SYNPR: variants seen among roughly 807,000 people sequenced by gnomAD.
SYNPR encodes synaptoporin.
SYNPR carries 23 observed loss-of-function variants against 32.9 expected under a neutral mutation model. The observed-to-expected ratio is 0.70, with a 90% confidence interval of 0.50 to 0.99. The LOEUF is 0.99. Ranked by LOEUF, SYNPR falls within the 50% of genes least tolerant of loss-of-function variation. The pLI, the probability that SYNPR is intolerant of heterozygous loss-of-function variation, is 0.00. For missense variants in SYNPR, 318 were observed against 349.3 expected, an observed-to-expected ratio of 0.91 and a Z score of 0.71; for synonymous variants, 146 against 135.9, an observed-to-expected ratio of 1.07 and a Z score of -0.52.
At chr3:63,230,389 G>C (rs1345149196) in intron 1 of SYNPR, among the ~76,000 whole-genome samples, 1 of 152,070 alleles carries the variant, frequency 6.6e-6, no homozygotes, top group Non-Finnish European at 1.5e-5. Flanking sequence ...TTTTTTCCTA[G>C]ACATTAACCC....
At chr3:63,318,279 C>T (rs1277225289) in intron 2 of SYNPR, among the ~76,000 whole-genome samples, 1 of 151,950 alleles carries the variant, frequency 6.6e-6, no homozygotes, top group East Asian at 1.9e-4. Flanking sequence ...CTTTGTGCTT[C>T]TTGTATTTGG....
rs371885804 is a variant in SYNPR, at chr3:63,556,715, C to T, written c.382C>T (p.Arg128Trp). 3.7e-6 allele frequency: 6 copies of T among 1,613,136 alleles called. No individual in the cohort carries two copies. Among genetic ancestry groups the T allele is most frequent in the Non-Finnish European group, 5.1e-6 (6 of 1,179,628 alleles). ...TTACATTTTCTTCCAGAACAAATAC[C>T]GGGAAAACAACCGGGGCCCACTCAT... is the stretch of plus-strand genomic sequence containing the variant. Reference protein sequence around the residue: ...VVYIFFQNKYRENNRGPLIDF... With the variant: ...VVYIFFQNKYWENNRGPLIDF... The change falls in exon 4 of 6, where the codon CGG (arginine) becomes TGG (tryptophan). Residue 128 changes from arginine (R) to tryptophan (W), a missense_variant. Transcript: ENST00000478300.
chr3:63,316,710 A>G (rs1275619304), intron 2 of SYNPR, among the ~76,000 whole-genome samples: 4 of 151,192 alleles, frequency 2.6e-5, no homozygotes, highest in African/African-American at 7.3e-5. Context: ...TATCTTTTGT[A>G]TTTTTTGCTT....
chr3:63,414,253 T>A (rs2088508137), intron 2 of SYNPR, among the ~76,000 whole-genome samples: 1 of 152,168 alleles, frequency 6.6e-6, no homozygotes, highest in Admixed American at 6.5e-5. Context: ...TTGACAGTAA[T>A]TAGTTTTGTG....
At chr3:63,552,844 C>G (rs976883737) in intron 3 of SYNPR, among the ~76,000 whole-genome samples, 3 of 152,144 alleles carry the variant, frequency 2.0e-5, no homozygotes, top group Admixed American at 2.0e-4. Flanking sequence ...GAACGAATTA[C>G]TTAATCTTTC....
At chr3:63,389,319 G>A (rs971080529) in intron 2 of SYNPR, among the ~76,000 whole-genome samples, 2 of 152,186 alleles carry the variant, frequency 1.3e-5, no homozygotes, top group Non-Finnish European at 2.9e-5. Context: ...AGTGGGGAAA[G>A]AAGGAATTGT....
intron 2 of SYNPR, among the ~76,000 whole-genome samples, chr3:63,302,300 CCTT>C (rs1324744875): frequency 1.3e-5 from 2 of 152,026 alleles, no homozygotes; most frequent in Non-Finnish European, 2.9e-5. Flanking sequence ...TTCCCATTAT[CCTT>C]CAGACAGAGA....
chr3:63,540,928 C>CAA (rs60971186), intron 3 of SYNPR, among the ~76,000 whole-genome samples: 26,477 of 114,712 alleles, frequency 0.23, 2,705 homozygotes, highest in African/African-American at 0.29. Context: ...AATCCCCCCC[C>CAA]CAACACACAC....
chr3:63,391,125 T>G (rs943131975), intron 2 of SYNPR, among the ~76,000 whole-genome samples: 9 of 152,212 alleles, frequency 5.9e-5, no homozygotes, highest in African/African-American at 1.9e-4. Context: ...TAGGGATAGC[T>G]CTTCCTGGAA....
chr3:63,445,827 A>AAACG (rs1700267513), intron 2 of SYNPR, among the ~76,000 whole-genome samples: 1 of 152,214 alleles, frequency 6.6e-6, no homozygotes, highest in Admixed American at 6.5e-5. Flanking sequence ...AATCTACAAC[A>AAACG]AACGCCTAGA....
chr3:63,380,477 A>G (rs143383658), intron 2 of SYNPR, among the ~76,000 whole-genome samples: 145 of 152,274 alleles, frequency 9.5e-4, no homozygotes, highest in African/African-American at 3.4e-3. Context: ...TTGGCTGCAT[A>G]AATGTCTTCT....
chr3:63,321,154 C>T (rs546575458), intron 2 of SYNPR, among the ~76,000 whole-genome samples: 29 of 152,124 alleles, frequency 1.9e-4, no homozygotes, highest in South Asian at 1.2e-3. Flanking sequence ...GAGGACCTTA[C>T]GTACTTTTAA....
At chr3:63,235,891 T>C (rs2086197327) in intron 1 of SYNPR, among the ~76,000 whole-genome samples, 1 of 152,080 alleles carries the variant, frequency 6.6e-6, no homozygotes, top group East Asian at 1.9e-4. Flanking sequence ...AATCTATCAA[T>C]TTTTCTTTTA....
intron 3 of SYNPR, among the ~76,000 whole-genome samples, chr3:63,504,736 G>A (rs1233666149): frequency 6.6e-6 from 1 of 152,144 alleles, no homozygotes; most frequent in Non-Finnish European, 1.5e-5. Flanking sequence ...GAAAATGGGA[G>A]AGACTTCTGT....
At chr3:63,437,117 T>C (rs1700099119) in intron 2 of SYNPR, among the ~76,000 whole-genome samples, 1 of 151,716 alleles carries the variant, frequency 6.6e-6, no homozygotes, top group African/African-American at 2.4e-5. Flanking sequence ...CCTCAAGTTA[T>C]CTGCCCACCT....
chr3:63,277,049 T>TCA (rs2086581986), upstream of SYNPR, among the ~76,000 whole-genome samples: 1 of 152,136 alleles, frequency 6.6e-6, no homozygotes, highest in South Asian at 2.1e-4. Context: ...AGAGGACATA[T>TCA]CACTACTTGA....
chr3:63,446,032 A>C (rs1700271361), intron 2 of SYNPR, among the ~76,000 whole-genome samples: 2 of 152,194 alleles, frequency 1.3e-5, no homozygotes, highest in South Asian at 2.1e-4. Context: ...GAGCCCACCT[A>C]GGGTAAAATT....
the SYNPR span, among the ~76,000 whole-genome samples, chr3:63,219,707 A>G: frequency 6.6e-6 from 1 of 152,210 alleles, no homozygotes; most frequent in African/African-American, 2.4e-5. Context: ...TAAAATTCAT[A>G]AGGAAAATAT....
the SYNPR span, among the ~76,000 whole-genome samples, chr3:63,221,984 A>T: frequency 7.6e-6 from 1 of 131,790 alleles, no homozygotes; most frequent in African/African-American, 2.8e-5. Context: ...ATTATCTTAC[A>T]TGTCTCTGTG....
Sources: gnomAD v4.1 joint callset for allele counts (sites outside exome capture counted in the v4.1 genomes callset) on GRCh38, gnomAD v4.1.1 for gene constraint, MANE v1.5 for transcripts, NCBI Gene and HGNC (gene_info 2026-07-23, HGNC 2026-07-21) for gene names.